PLCL2: variants seen among roughly 807,000 people sequenced by gnomAD.
The protein encoded by PLCL2 is phospholipase C like 2.
Under a neutral mutation model 79.6 loss-of-function variants are expected in PLCL2, and 4 were observed. The observed-to-expected ratio is 0.05, with a 90% CI of 0.02 to 0.11. PLCL2 has a LOEUF of 0.11. Ranked by LOEUF, PLCL2 falls within the 10% of genes least tolerant of loss-of-function variation. The pLI, the probability that PLCL2 is intolerant of heterozygous loss-of-function variation, is 1.00. For missense variants in PLCL2, 895 were observed against 1,291.0 expected, an observed-to-expected ratio of 0.69 and a Z score of 4.70; for synonymous variants, 484 against 457.7, an observed-to-expected ratio of 1.06 and a Z score of -0.73.
At chr3:17,013,227 T>G (rs865884877) in intron 2 of PLCL2, among the ~76,000 whole-genome samples, 8 of 152,320 alleles carry the variant, frequency 5.3e-5, no homozygotes, top group Middle Eastern at 6.8e-3. Context: ...CAGAATTCCT[T>G]TGAGGATTTG....
intron 1 of PLCL2, among the ~76,000 whole-genome samples, chr3:16,898,659 G>T (rs115792481): frequency 0.047 from 7,230 of 152,266 alleles, 242 homozygotes; most frequent in Admixed American, 0.11. Flanking sequence ...TTGCCAGACA[G>T]TAAAGTAAGA....
At position 16,967,252 on chromosome 3, in the gene PLCL2, G is replaced by A. The variant is rs192164533; in HGVS notation, c.328-42422G>A. On this transcript the variant is annotated intron_variant, in intron 1 of 5. Coordinates refer to ENST00000615277, the MANE Select transcript of PLCL2 (RefSeq NM_001144382.2). ...AACACATGCATGTGTCTCTATGGTA[G>A]AACAATTTGTATTCCTTTGGGTATG... Among the ~76,000 whole-genome samples the A allele has an allele frequency of 3.3e-5, 5 of 152,206 alleles. No homozygotes were observed. The East Asian group carries it at 9.6e-4, about 29-fold the overall frequency.
intron 1 of PLCL2, among the ~76,000 whole-genome samples, chr3:16,905,987 G>T (rs1312531877): frequency 2.0e-5 from 3 of 152,114 alleles, no homozygotes; most frequent in Non-Finnish European, 2.9e-5. Context: ...AGGCTTTTGG[G>T]CTAGGGAGGA....
chr3:17,056,939 A>G (rs76717897), intron 4 of PLCL2, among the ~76,000 whole-genome samples: 2,356 of 152,288 alleles, frequency 0.015, 25 homozygotes, highest in Non-Finnish European at 0.027. Context: ...GGCATTTTAG[A>G]TGGGCCAAAG....
chr3:16,985,979 A>G (rs958625978), intron 1 of PLCL2, among the ~76,000 whole-genome samples: 4 of 152,144 alleles, frequency 2.6e-5, no homozygotes, highest in Admixed American at 1.3e-4. Context: ...TAAGAAGCCC[A>G]TAAGTCTGAG....
At chr3:17,051,365 T>C (rs1252861558) in intron 4 of PLCL2, among the ~76,000 whole-genome samples, 1 of 152,162 alleles carries the variant, frequency 6.6e-6, no homozygotes, top group South Asian at 2.1e-4. Flanking sequence ...TATTCCATTT[T>C]CCATTATTAT....
At position 16,885,139 on chromosome 3, in the gene PLCL2, G is replaced by A. The variant is rs1477243540; in HGVS notation, c.100G>A (p.Glu34Lys). ...AKGALKAGVG[E>K]GGGGGGRLGH... Reference sequence around the variant, plus strand: ...GGGCGCCCTGAAAGCCGGAGTGGGGGAAGGCGGTGGCGGGGGAGGTCGCCT... The same window carrying A: ...GGGCGCCCTGAAAGCCGGAGTGGGGAAAGGCGGTGGCGGGGGAGGTCGCCT... The change falls in exon 1 of 6, where the codon GAA becomes AAA. Residue 34 changes from glutamate to lysine, a missense_variant. Physicochemically the swap from Glu to Lys is moderately conservative, Grantham distance 56. Around this residue, in one of 6 missense-constraint regions of PLCL2, gnomAD observed 110 missense variants for 42.9 expected, o/e 2.56. Transcript: ENST00000615277. 4 of 506,616 alleles carry A rather than the reference G, an allele frequency of 7.9e-6. No individual in the cohort carries two copies. In the African/African-American group the frequency reaches 8.1e-5, roughly 10 times the overall value. The allele number at this position is 506,616 out of a possible 1,614,324, so 31.4% of individuals were successfully genotyped here.
chr3:17,052,174 G>T (rs2124929502), intron 4 of PLCL2, among the ~76,000 whole-genome samples: 1 of 143,530 alleles, frequency 7.0e-6, no homozygotes, highest in East Asian at 2.1e-4. Flanking sequence ...AAACCGTCCA[G>T]ATGTTCACAC....
At chr3:17,075,467 C>A (rs955032257) in intron 5 of PLCL2, among the ~76,000 whole-genome samples, 37 of 149,764 alleles carry the variant, frequency 2.5e-4, no homozygotes, top group Admixed American at 2.5e-3. Context: ...GACACAGAAA[C>A]ACAAAGTGAA....
At chr3:17,032,840 G>A (rs1380548196) in intron 3 of PLCL2, among the ~76,000 whole-genome samples, 1 of 152,152 alleles carries the variant, frequency 6.6e-6, no homozygotes. Flanking sequence ...GCATATGCCT[G>A]TATCTTATGT....
chr3:16,898,523 T>A (rs368264074), intron 1 of PLCL2, among the ~76,000 whole-genome samples: 1 of 151,652 alleles, frequency 6.6e-6, no homozygotes, highest in African/African-American at 2.4e-5. Flanking sequence ...AGCAAGAGAG[T>A]GAAATAGTGC....
At chr3:17,014,440 A>G (rs913856430) in intron 2 of PLCL2, among the ~76,000 whole-genome samples, 3 of 152,214 alleles carry the variant, frequency 2.0e-5, no homozygotes, top group Non-Finnish European at 4.4e-5. Context: ...TTTGGGCTGA[A>G]AAGAAGCCTT....
intron 1 of PLCL2, among the ~76,000 whole-genome samples, chr3:16,992,077 A>G (rs955151793): frequency 1.3e-5 from 2 of 152,266 alleles, no homozygotes; most frequent in Non-Finnish European, 2.9e-5. Context: ...TAGAGAGTCC[A>G]AGATTGTCAG....
chr3:17,079,581 C>A (rs762222258), intron 5 of PLCL2, among the ~76,000 whole-genome samples: 2 of 152,172 alleles, frequency 1.3e-5, no homozygotes, highest in Non-Finnish European at 2.9e-5. Context: ...CAGCATCAGC[C>A]CCTGGGCCTG....
rs1696255185 is a variant in PLCL2 at position 16,887,648 on chromosome 3, GTATTGTGGTATTT to G, written c.327+2284_327+2296del. Among the ~76,000 whole-genome samples, 1 of 152,128 alleles carries G rather than the reference GTATTGTGGTATTT, an allele frequency of 6.6e-6. No individual in the cohort carries two copies. Among genetic ancestry groups the G allele is most frequent in the Admixed American group, 6.6e-5 (1 of 15,264 alleles). ...CTTGAAGCATCAAGATTTTTGGAAT[GTATTGTGGTATTT>G]TCTAAAGATAACTTCCAGCATCAGG... is the stretch of plus-strand genomic sequence containing the variant. On this transcript the variant is annotated intron_variant, in intron 1 of 5. Transcript: ENST00000615277. This position sits in a 1 kb window ranked among gnomAD's most constrained non-coding sequence, Gnocchi z 4.1.
At chr3:17,053,570 C>T (rs1216808310) in intron 4 of PLCL2, among the ~76,000 whole-genome samples, 1 of 152,154 alleles carries the variant, frequency 6.6e-6, no homozygotes, top group Non-Finnish European at 1.5e-5. Context: ...CAATAATCCC[C>T]CAAAGTCTTA....
At chr3:17,051,160 G>A (rs1406403896) in intron 4 of PLCL2, among the ~76,000 whole-genome samples, 1 of 152,128 alleles carries the variant, frequency 6.6e-6, no homozygotes, top group African/African-American at 2.4e-5. Context: ...GGCAATGGGA[G>A]GTCAGGGCGG....
In PLCL2 at chr3:17,011,203, T is replaced by C; in HGVS notation, c.1857T>C (p.Ser619=). 6.2e-7 allele frequency: 1 copy of C among 1,614,230 alleles called. No homozygotes were observed. Among genetic ancestry groups the C allele is most frequent in the Non-Finnish European group, 8.5e-7 (1 of 1,180,044 alleles). The stretch of plus-strand genomic sequence containing the variant: ...GATTTCAGCTTTGTAAAGAACTGTC[T>C]GAACTGGTCAGCATCTGCAAATCAG... ...VKRFQLCKEL[S]ELVSICKSVQ... Residue 619 remains serine (S), a synonymous_variant, in exon 2 of 6, where the codon TCT becomes TCC. Coordinates refer to ENST00000615277, the MANE Select transcript of PLCL2 (RefSeq NM_001144382.2). The surrounding 1 kb of genome is among the most constrained non-coding windows in gnomAD (Gnocchi z 7.9).
chr3:16,887,055 C>T lies in PLCL2; in HGVS notation c.327+1689C>T, dbSNP rs931466704. ...TTTGTTTTAATTTTACATTACTGGG[C>T]GATAAGCAAGAAGGATGATTTGTTA... On this transcript the variant is annotated intron_variant, in intron 1 of 5. Transcript: ENST00000615277. This position sits in a 1 kb window ranked among gnomAD's most constrained non-coding sequence, Gnocchi z 4.1. Among the ~76,000 whole-genome samples the T allele has an allele frequency of 3.9e-5, 6 of 152,052 alleles. No individual in the cohort carries two copies. Among genetic ancestry groups the T allele is most frequent in the South Asian group, 2.1e-4 (1 of 4,822 alleles).
Sources: gnomAD v4.1 joint callset for allele counts (sites outside exome capture counted in the v4.1 genomes callset) on GRCh38, gnomAD v4.1.1 for gene constraint, gnomAD v4.1.1 regional missense constraint, Gnocchi (gnomAD v3.1) non-coding constraint, MANE v1.5 for transcripts, NCBI Gene and HGNC (gene_info 2026-07-23, HGNC 2026-07-21) for gene names.